Variants in STOX1 observed in about 807,000 individuals in gnomAD.
STOX1 encodes storkhead box 1.
STOX1 carries 57 observed loss-of-function variants against 74.8 expected under a neutral mutation model. That is an observed-to-expected ratio of 0.76 (90% CI 0.62 to 0.95). The LOEUF (loss-of-function observed/expected upper bound fraction) is 0.95, where lower values mean the gene tolerates loss of function less well. Ranked by LOEUF, STOX1 falls within the 40% of genes least tolerant of loss-of-function variation. STOX1 has a pLI of 0.00. For synonymous variants in STOX1, 375 were observed against 401.3 expected, an observed-to-expected ratio of 0.93 and a Z score of 0.78; for missense variants, 1,010 against 1,117.0, an observed-to-expected ratio of 0.90 and a Z score of 1.37.
chr10:68,847,752 G>A lies in STOX1; in HGVS notation c.310+19819G>A, dbSNP rs1461419460. On this transcript the variant is annotated intron_variant, in intron 1 of 3. Coordinates refer to ENST00000298596, the MANE Select transcript of STOX1 (RefSeq NM_152709.5). ...TTTGTTTTGTTTTGTTTTTTGAGAC[G>A]GAGTTTCGCTCTTGTTGCCCAGGCT... is the stretch of plus-strand genomic sequence containing the variant. Among the ~76,000 whole-genome samples the A allele has an allele frequency of 2.7e-5, 4 of 146,514 alleles. No individual in the cohort carries two copies. The East Asian group carries it at 6.2e-4, about 23-fold the overall frequency.
At chr10:68,838,054 G>A (rs1421614809) in intron 1 of STOX1, among the ~76,000 whole-genome samples, 5 of 149,594 alleles carry the variant, frequency 3.3e-5, no homozygotes, top group South Asian at 2.1e-4. Flanking sequence ...TTTTCATTTC[G>A]TTTCTTTTTT....
At chr10:68,881,745 C>G (rs552709172) in intron 1 of STOX1, among the ~76,000 whole-genome samples, 1,309 of 118,480 alleles carry the variant, frequency 0.011, 19 homozygotes, top group African/African-American at 0.062. Context: ...ACAGTTAATA[C>G]ACATTTCTTA....
intron 1 of STOX1, among the ~76,000 whole-genome samples, chr10:68,854,431 G>A (rs1331953541): frequency 6.6e-6 from 1 of 151,856 alleles, no homozygotes; most frequent in Admixed American, 6.6e-5. Flanking sequence ...CGAGTAGCTG[G>A]GACTACAGGT....
chr10:68,849,739 G>T (rs1839933789), intron 1 of STOX1, among the ~76,000 whole-genome samples: 1 of 152,146 alleles, frequency 6.6e-6, no homozygotes, highest in South Asian at 2.1e-4. Flanking sequence ...TTCCTCTCAT[G>T]ATTGTTCTTT....
chr10:68,887,162 C>T (rs1161653509), intron 3 of STOX1, among the ~76,000 whole-genome samples: 2 of 152,136 alleles, frequency 1.3e-5, no homozygotes, highest in Non-Finnish European at 2.9e-5. Context: ...ACTCATAAAT[C>T]TTCAATTATT....
At chr10:68,840,966 G>A (rs1171546237) in intron 1 of STOX1, among the ~76,000 whole-genome samples, 1 of 149,734 alleles carries the variant, frequency 6.7e-6, no homozygotes, top group Admixed American at 6.7e-5. Flanking sequence ...TTTTTTTTTG[G>A]AGACAGTGTC....
At chr10:68,830,066 A>T (rs1405818631) in intron 1 of STOX1, among the ~76,000 whole-genome samples, 1 of 152,132 alleles carries the variant, frequency 6.6e-6, no homozygotes, top group East Asian at 1.9e-4. Context: ...GTGCTAAGTC[A>T]CGGGCTGCCA....
chr10:68,840,679 G>A (rs943569924), intron 1 of STOX1, among the ~76,000 whole-genome samples: 1 of 151,986 alleles, frequency 6.6e-6, no homozygotes, highest in African/African-American at 2.4e-5. Flanking sequence ...TCATGCTTCA[G>A]CCTCCCAAGT....
Position 68,886,011 on chromosome 10 carries a change from G to A in STOX1, c.2215G>A (p.Glu739Lys). The A allele has an allele frequency of 6.2e-7, 1 of 1,614,178 alleles. No homozygotes were observed. The highest frequency in any genetic ancestry group is 8.5e-7 in the Non-Finnish European group (1 of 1,180,004). ...DGACSSLYLE[E>K]DDISENDDLR... ...TGCCTGTAGTTCATTATATCTAGAG[G>A]AGGATGACATTTCTGAGAATGACGA... The change falls in exon 3 of 4, where the codon GAG becomes AAG. Residue 739 changes from glutamate (E) to lysine (K), a missense_variant. Physicochemically the swap from Glu to Lys is moderately conservative, Grantham distance 56. Coordinates refer to ENST00000298596, the MANE Select transcript of STOX1 (RefSeq NM_152709.5).
At chr10:68,852,506 C>T (rs1419162005) in intron 1 of STOX1, among the ~76,000 whole-genome samples, 1 of 151,896 alleles carries the variant, frequency 6.6e-6, no homozygotes, top group African/African-American at 2.4e-5. Context: ...GATCCACCAG[C>T]CTCGGCCTCC....
intron 1 of STOX1, among the ~76,000 whole-genome samples, chr10:68,872,623 AGGC>A (rs1284485058): frequency 2.0e-5 from 3 of 152,190 alleles, no homozygotes; most frequent in African/African-American, 7.2e-5. Flanking sequence ...TTGGGATTAC[AGGC>A]GTGAGCCACT....
At chr10:68,868,182 CACAG>C (rs1308677987) in intron 1 of STOX1, among the ~76,000 whole-genome samples, 6 of 152,304 alleles carry the variant, frequency 3.9e-5, no homozygotes, top group South Asian at 2.1e-4. Context: ...GGAATAAAGA[CACAG>C]ACAGAGAAAT....
intron 1 of STOX1, among the ~76,000 whole-genome samples, chr10:68,832,442 G>A (rs1165155832): frequency 3.3e-5 from 5 of 152,144 alleles, no homozygotes; most frequent in Non-Finnish European, 7.4e-5. Context: ...GGTGGCTGAG[G>A]CAGGTGGATC....
At chr10:68,855,710 G>A (rs1840107847) in intron 1 of STOX1, among the ~76,000 whole-genome samples, 1 of 151,792 alleles carries the variant, frequency 6.6e-6, no homozygotes. Context: ...CTCCCAAAAT[G>A]GCAGGATTAT....
At chr10:68,855,181 C>T (rs77952606) in intron 1 of STOX1, among the ~76,000 whole-genome samples, 1 of 148,196 alleles carries the variant, frequency 6.7e-6, no homozygotes, top group East Asian at 2.1e-4. Flanking sequence ...AGTGCAGTGG[C>T]GTGATCTTGG....
intron 1 of STOX1, among the ~76,000 whole-genome samples, chr10:68,833,081 T>G (rs929232702): frequency 1.8e-4 from 14 of 78,184 alleles, no homozygotes; most frequent in Middle Eastern, 6.8e-3. Flanking sequence ...CTTCTGTGGG[T>G]TTTTTTTTTT....
intron 1 of STOX1, among the ~76,000 whole-genome samples, chr10:68,841,603 G>T (rs2133507971): frequency 1.3e-5 from 2 of 152,148 alleles, no homozygotes; most frequent in Admixed American, 1.3e-4. Flanking sequence ...ATTGTTCTAG[G>T]GTACAGAAAC....
intron 1 of STOX1, among the ~76,000 whole-genome samples, chr10:68,865,172 C>G (rs1840371540): frequency 6.6e-6 from 1 of 152,222 alleles, no homozygotes; most frequent in Non-Finnish European, 1.5e-5. Flanking sequence ...GGTTCAATTG[C>G]TTGCCCTACA....
intron 1 of STOX1, among the ~76,000 whole-genome samples, chr10:68,867,006 C>A (rs536537529): frequency 4.1e-5 from 6 of 145,072 alleles, no homozygotes; most frequent in Non-Finnish European, 3.0e-5. Context: ...AGTGCAGTGG[C>A]ACGATCTCAG....
Sources: allele counts gnomAD v4.1 joint callset (sites outside exome capture counted in the v4.1 genomes callset), GRCh38; gene constraint gnomAD v4.1.1; transcripts MANE v1.5; gene names NCBI Gene and HGNC (gene_info 2026-07-23, HGNC 2026-07-21).